The following GPRASP2 variants were observed in gnomAD, a reference collection of about 807,000 sequenced individuals.
The protein encoded by GPRASP2 is G protein-coupled receptor associated sorting protein 2, also known as G protein-coupled receptor-associated sorting protein 2.
Under a neutral mutation model 36.0 loss-of-function variants are expected in GPRASP2, and 10 were observed. That is an observed-to-expected ratio of 0.28 (90% confidence interval 0.17 to 0.47). The LOEUF (loss-of-function observed/expected upper bound fraction) is 0.47. Among genes scored for constraint, GPRASP2 ranks in the 20% least tolerant of loss-of-function variants. GPRASP2 has a pLI of 0.99. For synonymous variants in GPRASP2, 219 were observed against 230.5 expected (o/e 0.95, Z 0.45); for missense variants, 538 against 626.7 (o/e 0.86, Z 1.51).
Position 102,715,474 on chromosome X carries a change from C to T in GPRASP2, c.605C>T (p.Thr202Ile), listed in dbSNP as rs1303215621. 11 of 1,211,925 alleles carry T rather than the reference C, an allele frequency of 9.1e-6. No homozygotes were observed. Among genetic ancestry groups the T allele is most frequent in the Non-Finnish European group, 1.2e-5 (11 of 895,539 alleles). ...CCCTGGTTTGGACCAGGGGAGGAGA[C>T]TAATATGGGGTCTTGGTGCTATTCC... ...IQPWFGPGEE[T>I]NMGSWCYSRP... Residue 202 changes from threonine (T) to isoleucine (I), a missense_variant, in exon 5 of 5, where the codon ACT (threonine) becomes ATT (isoleucine). Physicochemically the swap from Thr to Ile is moderately conservative, Grantham distance 89. Transcript: ENST00000483720.
At chrX:102,713,311 A>T (rs1200671527) in intron 2 of GPRASP2, 94 bp downstream of exon 2, 1 of 111,486 alleles carries the variant, frequency 9.0e-6, no homozygotes, top group Admixed American at 9.4e-5. Flanking sequence ...ATCCAGGAGC[A>T]CCTCCTAATC....
At chrX:102,712,713 G>A (rs776896780) in intron 1 of GPRASP2, among the ~76,000 whole-genome samples, 161 bp downstream of exon 1, 66 of 112,818 alleles carry the variant, frequency 5.9e-4, no homozygotes, top group Non-Finnish European at 1.0e-3. Context: ...CGAGACCCCT[G>A]GCGATGGGGA....
In GPRASP2 at chrX:102,717,431, G is replaced by A; in HGVS notation, c.*45G>A. ...CTGATCAGCCTTATGTTCCCAAAGA[G>A]CCCTGAGTAGTGCTTTGGTGTTCAC... On this transcript the variant is annotated 3_prime_UTR_variant, in exon 5 of 5. Coordinates refer to ENST00000483720, the MANE Select transcript of GPRASP2 (RefSeq NM_001004051.4). 1 of 1,017,986 alleles carries A rather than the reference G, an allele frequency of 9.8e-7. No individual in the cohort carries two copies. 83.9% of individuals were successfully genotyped at this position (1,017,986 alleles called of 1,213,427 possible).
At chrX:102,713,009 G>A (rs926242680) in intron 1 of GPRASP2, 121 bp from the exon 2 acceptor site, 15 of 112,421 alleles carry the variant, frequency 1.3e-4, no homozygotes, top group African/African-American at 4.8e-4. Flanking sequence ...CGCCGGAGGT[G>A]AGCCGCGTTT....
At position 102,715,454 on chromosome X, in the gene GPRASP2, G is replaced by C. The variant is rs372937088; in HGVS notation, c.585G>C (p.Trp195Cys). The change falls in exon 5 of 5, where the codon TGG becomes TGC. Residue 195 changes from tryptophan (W) to cysteine (C), a missense_variant. This residue lies in a region of GPRASP2 where 276 missense variants were observed against 275.0 expected (regional missense o/e 1.00). Coordinates refer to ENST00000483720, the MANE Select transcript of GPRASP2 (RefSeq NM_001004051.4). ...GTQGQKGIQPWFGPGEETNMG... is the reference protein window; with the variant it reads ...GTQGQKGIQPCFGPGEETNMG... ...AGGGTCAGAAAGGAATCCAGCCCTG[G>C]TTTGGACCAGGGGAGGAGACTAATA... 3.1e-5 allele frequency: 38 copies of C among 1,210,846 alleles called. No homozygotes were observed. The highest frequency in any genetic ancestry group is 2.8e-4 in the African/African-American group (16 of 57,399).
Position 102,715,915 on chromosome X carries a change from G to C in GPRASP2, c.1046G>C (p.Arg349Thr), listed in dbSNP as rs201409000. 1 of 1,211,894 alleles carries C rather than the reference G, an allele frequency of 8.3e-7. No homozygotes were observed. The highest frequency in any genetic ancestry group is 1.1e-6 in the Non-Finnish European group (1 of 895,561). ...TTGCCTGGAGAAGAGGCCAATAGTA[G>C]ATTCAGGCACAGAGACAAAGAAGAT... is the stretch of plus-strand genomic sequence containing the variant. The part of the protein sequence containing the change: ...WVLPGEEANS[R>T]FRHRDKEDPN... The change falls in exon 5 of 5, where the codon AGA becomes ACA. Residue 349 changes from arginine (R) to threonine (T), a missense_variant. By Grantham distance (71) the Arg-to-Thr change is moderately conservative. Around this residue, in one of 2 missense-constraint regions of GPRASP2, gnomAD observed 276 missense variants for 275.0 expected, o/e 1.00. Coordinates refer to ENST00000483720, the MANE Select transcript of GPRASP2 (RefSeq NM_001004051.4).
In GPRASP2 at chrX:102,715,990, G is replaced by C; in HGVS notation, c.1121G>C (p.Arg374Thr). Reference protein sequence around the residue: ...LRAQKDVDSDRVKQEPRFEEE... With the variant: ...LRAQKDVDSDTVKQEPRFEEE... ...GCCCAGAAAGATGTTGACAGTGATA[G>C]GGTCAAACAAGAACCCAGGTTTGAG... is the stretch of plus-strand genomic sequence containing the variant. Residue 374 changes from arginine to threonine, a missense_variant, in exon 5 of 5, where the codon AGG (arginine) becomes ACG (threonine). By Grantham distance (71) the Arg-to-Thr change is moderately conservative. This residue lies in a region of GPRASP2 where 276 missense variants were observed against 275.0 expected (regional missense o/e 1.00). Transcript: ENST00000483720. 8.3e-7 allele frequency: 1 copy of C among 1,209,259 alleles called. No individual in the cohort carries two copies. Among genetic ancestry groups the C allele is most frequent in the East Asian group, 3.0e-5 (1 of 33,829 alleles).
chrX:102,714,416 C>G (rs1421566822), intron 4 of GPRASP2, 121 bp from the exon 5 acceptor site: 1 of 121,122 alleles, frequency 8.3e-6, no homozygotes, highest in African/African-American at 3.2e-5. Flanking sequence ...TAGGAGGCAG[C>G]CGGTCCAGAG....
At position 102,717,017 on chromosome X, in the gene GPRASP2, T is replaced by A. The variant is rs773026839; in HGVS notation, c.2148T>A (p.Ile716=). ...TGACTATTGACTATCACACACTGATTGCCAACTATATGTCCGGGTTTCTCT... is the reference window on the plus strand; with the variant it reads ...TGACTATTGACTATCACACACTGATAGCCAACTATATGTCCGGGTTTCTCT... ...LTMTIDYHTL[I]ANYMSGFLSL... Residue 716 remains isoleucine (I), a synonymous_variant, in exon 5 of 5, where the codon ATT becomes ATA. Transcript: ENST00000483720. 3.3e-6 allele frequency: 4 copies of A among 1,199,287 alleles called. No homozygotes were observed. Among genetic ancestry groups the A allele is most frequent in the South Asian group, 3.6e-5 (2 of 55,718 alleles).
In GPRASP2 at chrX:102,715,477, A is replaced by T. The variant is rs2081949533; in HGVS notation, c.608A>T (p.Asn203Ile). Residue 203 changes from asparagine (N) to isoleucine (I), a missense_variant, in exon 5 of 5, where the codon AAT becomes ATT. Transcript: ENST00000483720. ...QPWFGPGEET[N>I]MGSWCYSRPR... Reference sequence around the variant, plus strand: ...TGGTTTGGACCAGGGGAGGAGACTAATATGGGGTCTTGGTGCTATTCCAGG... The same window carrying T: ...TGGTTTGGACCAGGGGAGGAGACTATTATGGGGTCTTGGTGCTATTCCAGG... 8.3e-7 allele frequency: 1 copy of T among 1,210,642 alleles called. No individual in the cohort carries two copies. Among genetic ancestry groups the T allele is most frequent in the Non-Finnish European group, 1.1e-6 (1 of 895,364 alleles).
intron 1 of GPRASP2, 77 bp downstream of exon 1, chrX:102,712,629 C>G (rs752519418): frequency 1.8e-5 from 2 of 112,224 alleles, no homozygotes; most frequent in African/African-American, 3.2e-5. Flanking sequence ...CAGCCTGCCC[C>G]GCGGACCCTG....
Position 102,717,399 on chromosome X carries a change from C to G in GPRASP2, c.*13C>G, listed in dbSNP as rs2081981045. The G allele has an allele frequency of 7.6e-6, 8 of 1,054,084 alleles. No individual in the cohort carries two copies. The highest frequency in any genetic ancestry group is 9.8e-6 in the Non-Finnish European group (8 of 814,519). The allele number at this position is 1,054,084 out of a possible 1,213,427, so 86.9% of individuals were successfully genotyped here. On this transcript the variant is annotated 3_prime_UTR_variant, in exon 5 of 5. Coordinates refer to ENST00000483720, the MANE Select transcript of GPRASP2 (RefSeq NM_001004051.4). ...ACAACAAAGTTAATATGATTAACCA[C>G]CTGCCGCTGATCAGCCTTATGTTCC...
Position 102,717,563 on chromosome X carries a change from T to G in GPRASP2, c.*177T>G, listed in dbSNP as rs1325309188. ...GTGGATGCCAAATGAATATCAAAAC[T>G]GAAAACACATTTGTTGATATTTGTC... On this transcript the variant is annotated 3_prime_UTR_variant, in exon 5 of 5. Transcript: ENST00000483720. The G allele has an allele frequency of 1.5e-5, 10 of 684,913 alleles. No individual in the cohort carries two copies. Among genetic ancestry groups the G allele is most frequent in the Non-Finnish European group, 1.9e-5 (10 of 517,188 alleles). 56.4% of individuals were successfully genotyped at this position (684,913 alleles called of 1,213,427 possible).
In GPRASP2 at chrX:102,717,563, T is replaced by C; in HGVS notation, c.*177T>C. 1 of 686,515 alleles carries C rather than the reference T, an allele frequency of 1.5e-6. No homozygotes were observed. The highest frequency in any genetic ancestry group is 1.9e-6 in the Non-Finnish European group (1 of 517,389). The allele number at this position is 686,515 out of a possible 1,213,427, so 56.6% of individuals were successfully genotyped here. The stretch of plus-strand genomic sequence containing the variant: ...GTGGATGCCAAATGAATATCAAAAC[T>C]GAAAACACATTTGTTGATATTTGTC... On this transcript the variant is annotated 3_prime_UTR_variant, in exon 5 of 5. Transcript: ENST00000483720.
At position 102,716,355 on chromosome X, in the gene GPRASP2, G is replaced by A. The variant is rs1418016943; in HGVS notation, c.1486G>A (p.Val496Ile). ...GCCCCAAACCTGGGACGAGGTCACT[G>A]TTGAATTCAAACCTGGTCTTTTTCA... ...SRPQTWDEVTVEFKPGLFHGV... is the reference protein window; with the variant it reads ...SRPQTWDEVTIEFKPGLFHGV... Residue 496 changes from valine to isoleucine, a missense_variant, in exon 5 of 5, where the codon GTT (valine) becomes ATT (isoleucine). Coordinates refer to ENST00000483720, the MANE Select transcript of GPRASP2 (RefSeq NM_001004051.4). 4 of 1,210,399 alleles carry A rather than the reference G, an allele frequency of 3.3e-6. No individual in the cohort carries two copies. Among genetic ancestry groups the A allele is most frequent in the Non-Finnish European group, 4.5e-6 (4 of 895,392 alleles).
At chrX:102,713,676 C>T (rs189834492) in intron 2 of GPRASP2, 106 bp from the exon 3 acceptor site, 1 of 112,900 alleles carries the variant, frequency 8.9e-6, no homozygotes, top group African/African-American at 3.2e-5. Flanking sequence ...AAGACAGATA[C>T]CAATAATATG....
rs970883125 is a variant in GPRASP2, at chrX:102,716,297, A to T, written c.1428A>T (p.Arg476Ser). The T allele has an allele frequency of 6.6e-6, 8 of 1,210,389 alleles. No homozygotes were observed. In the African/African-American group the frequency reaches 1.4e-4, roughly 21 times the overall value. The change falls in exon 5 of 5, where the codon AGA becomes AGT. Residue 476 changes from arginine to serine, a missense_variant. By Grantham distance (110) the Arg-to-Ser change is moderately radical. Transcript: ENST00000483720. ...CPVYKVSDRF[R>S]DAAEELNASS... is the part of the protein sequence containing the mutation. Reference sequence around the variant, plus strand: ...TGTACAAGGTCAGTGATAGGTTCAGAGATGCAGCTGAGGAGCTTAATGCAT... The same window carrying T: ...TGTACAAGGTCAGTGATAGGTTCAGTGATGCAGCTGAGGAGCTTAATGCAT...
At position 102,715,465 on chromosome X, in the gene GPRASP2, G is replaced by T. The variant is rs745710163; in HGVS notation, c.596G>T (p.Gly199Val). The T allele has an allele frequency of 4.1e-6, 5 of 1,212,147 alleles. No homozygotes were observed. The highest frequency in any genetic ancestry group is 5.6e-6 in the Non-Finnish European group (5 of 895,603). Residue 199 changes from glycine (G) to valine (V), a missense_variant, in exon 5 of 5, where the codon GGG (glycine) becomes GTG (valine). Physicochemically the swap from Gly to Val is moderately radical, Grantham distance 109. Around this residue, in one of 2 missense-constraint regions of GPRASP2, gnomAD observed 276 missense variants for 275.0 expected, o/e 1.00. Coordinates refer to ENST00000483720, the MANE Select transcript of GPRASP2 (RefSeq NM_001004051.4). ...QKGIQPWFGPGEETNMGSWCY... is the reference protein window; with the variant it reads ...QKGIQPWFGPVEETNMGSWCY... ...GGAATCCAGCCCTGGTTTGGACCAG[G>T]GGAGGAGACTAATATGGGGTCTTGG... is the stretch of plus-strand genomic sequence containing the variant.
At position 102,714,677 on chromosome X, in the gene GPRASP2, T is replaced by C. The variant is rs149476056; in HGVS notation, c.-193T>C. 8,104 of 611,005 alleles carry C rather than the reference T, an allele frequency of 0.013. 52 individuals carry two copies. The highest frequency in any genetic ancestry group is 0.016 in the Non-Finnish European group (6,712 of 411,724). 50.4% of individuals were successfully genotyped at this position (611,005 alleles called of 1,213,427 possible). Reference sequence around the variant, plus strand: ...TCACTCTATCTGTATTATTGAATTATTGACTGAGACTGTGTTTGGGAAGGA... The same window carrying C: ...TCACTCTATCTGTATTATTGAATTACTGACTGAGACTGTGTTTGGGAAGGA... On this transcript the variant is annotated 5_prime_UTR_variant, in exon 5 of 5. Transcript: ENST00000483720.
Sources: gnomAD v4.1 joint callset for allele counts (sites outside exome capture counted in the v4.1 genomes callset) on GRCh38, gnomAD v4.1.1 for gene constraint, gnomAD v4.1.1 regional missense constraint, MANE v1.5 for transcripts, NCBI Gene and HGNC (gene_info 2026-07-23, HGNC 2026-07-21) for gene names.